The following LRMDA variants were observed in gnomAD, a reference collection of about 807,000 sequenced individuals.
The protein encoded by LRMDA is leucine-rich melanocyte differentiation-associated protein.
LRMDA carries 18 observed loss-of-function variants against 29.8 expected under a neutral mutation model. The observed-to-expected ratio is 0.60, with a 90% CI of 0.42 to 0.90. The LOEUF (loss-of-function observed/expected upper bound fraction) is 0.90, where lower values mean the gene tolerates loss of function less well. Among genes scored for constraint, LRMDA ranks in the 40% least tolerant of loss-of-function variants. LRMDA has a pLI of 0.00. For synonymous variants in LRMDA, 125 were observed against 109.4 expected (o/e 1.14, Z -0.89); for missense variants, 273 against 273.9 (o/e 1.00, Z 0.02).
intron 2 of LRMDA, among the ~76,000 whole-genome samples, chr10:75,783,593 A>G (rs1171837579): frequency 6.6e-6 from 1 of 151,882 alleles, no homozygotes; most frequent in Non-Finnish European, 1.5e-5. Flanking sequence ...GATGAGGCTT[A>G]GGCTTGAATC....
intron 2 of LRMDA, among the ~76,000 whole-genome samples, chr10:75,972,278 T>C (rs952761925): frequency 2.2e-5 from 3 of 139,080 alleles, no homozygotes; most frequent in Admixed American, 7.2e-5. Flanking sequence ...GAGTTTGGGA[T>C]TTTTTTTTTT....
chr10:76,511,778 A>C (rs1843011301), intron 6 of LRMDA, among the ~76,000 whole-genome samples: 1 of 152,026 alleles, frequency 6.6e-6, no homozygotes, highest in Non-Finnish European at 1.5e-5. Context: ...TAATATTATC[A>C]AAATGACAAT....
intron 2 of LRMDA, among the ~76,000 whole-genome samples, chr10:75,805,657 T>C (rs776890394): frequency 4.6e-5 from 7 of 152,164 alleles, no homozygotes; most frequent in Non-Finnish European, 1.0e-4. Context: ...CTAGATGGGT[T>C]ACTTTCCTGG....
intron 6 of LRMDA, among the ~76,000 whole-genome samples, chr10:76,389,592 C>T (rs926900622): frequency 1.3e-5 from 2 of 152,146 alleles, no homozygotes; most frequent in Non-Finnish European, 2.9e-5. Flanking sequence ...TCTTTTCATC[C>T]TGCAAAACTG....
intron 5 of LRMDA, among the ~76,000 whole-genome samples, chr10:76,120,854 A>G (rs1849773331): frequency 6.8e-6 from 1 of 147,550 alleles, no homozygotes; most frequent in Non-Finnish European, 1.5e-5. Flanking sequence ...TTCCAAAGAG[A>G]CGGAGTCTCG....
chr10:75,983,216 G>T (rs1847205089), intron 2 of LRMDA, among the ~76,000 whole-genome samples: 1 of 152,216 alleles, frequency 6.6e-6, no homozygotes, highest in Admixed American at 6.5e-5. Flanking sequence ...AAAGCACTTA[G>T]TTGTTCAGTA....
At chr10:76,009,384 GC>G (rs1469792890) in intron 2 of LRMDA, among the ~76,000 whole-genome samples, 2 of 152,170 alleles carry the variant, frequency 1.3e-5, no homozygotes, top group Non-Finnish European at 2.9e-5. Context: ...AAGGAAAATA[GC>G]CTTTTGATGA....
chr10:75,941,569 C>T (rs1846392712), intron 2 of LRMDA, among the ~76,000 whole-genome samples: 1 of 152,092 alleles, frequency 6.6e-6, no homozygotes, highest in African/African-American at 2.4e-5. Flanking sequence ...ATGGTGCCAT[C>T]CTGATCCCCT....
intron 5 of LRMDA, among the ~76,000 whole-genome samples, chr10:76,159,937 G>A (rs1207305007): frequency 6.6e-6 from 1 of 152,108 alleles, no homozygotes; most frequent in Non-Finnish European, 1.5e-5. Context: ...TACTCTGTAT[G>A]ATAGTGTGAT....
intron 6 of LRMDA, among the ~76,000 whole-genome samples, chr10:76,353,528 C>T (rs1378053094): frequency 2.0e-5 from 3 of 152,042 alleles, no homozygotes; most frequent in African/African-American, 4.8e-5. Flanking sequence ...ATGACACGTT[C>T]GAAGCTCCGC....
chr10:76,024,363 A>G (rs1848026746), intron 2 of LRMDA, among the ~76,000 whole-genome samples: 1 of 152,210 alleles, frequency 6.6e-6, no homozygotes, highest in South Asian at 2.1e-4. Context: ...AGGGCCCAGG[A>G]CATGCCATGA....
At chr10:76,515,901 A>G (rs1403305813) in intron 6 of LRMDA, among the ~76,000 whole-genome samples, 1 of 152,182 alleles carries the variant, frequency 6.6e-6, no homozygotes, top group African/African-American at 2.4e-5. Context: ...ACAGGAGAAA[A>G]CTTAAGAAAA....
chr10:76,434,432 C>G (rs1456308407), intron 6 of LRMDA, among the ~76,000 whole-genome samples: 1 of 152,070 alleles, frequency 6.6e-6, no homozygotes, highest in Non-Finnish European at 1.5e-5. Flanking sequence ...CTAAAAAATG[C>G]TGAAACATGA....
intron 2 of LRMDA, among the ~76,000 whole-genome samples, chr10:75,756,077 G>T (rs1589189359): frequency 6.6e-6 from 1 of 152,224 alleles, no homozygotes; most frequent in East Asian, 1.9e-4. Context: ...TGGTTAGGGA[G>T]AGTGTAGCTT....
chr10:76,142,757 T>G (rs1186643652), intron 5 of LRMDA, among the ~76,000 whole-genome samples: 1 of 151,464 alleles, frequency 6.6e-6, no homozygotes, highest in Admixed American at 6.6e-5. Flanking sequence ...TTGTTACATA[T>G]GTATACATGT....
At chr10:75,544,376 T>C (rs1474479568) in intron 2 of LRMDA, among the ~76,000 whole-genome samples, 1 of 152,202 alleles carries the variant, frequency 6.6e-6, no homozygotes, top group Non-Finnish European at 1.5e-5. Context: ...AATTTATTTC[T>C]GCAAAATGAA....
intron 5 of LRMDA, among the ~76,000 whole-genome samples, chr10:76,222,624 G>A (rs1356546747): frequency 6.6e-6 from 1 of 152,182 alleles, no homozygotes; most frequent in African/African-American, 2.4e-5. Context: ...GGAAACAGGT[G>A]CTAGAGAGGA....
At chr10:75,752,020 C>A (rs1842974989) in intron 2 of LRMDA, among the ~76,000 whole-genome samples, 1 of 150,502 alleles carries the variant, frequency 6.6e-6, no homozygotes, top group South Asian at 2.1e-4. Context: ...TATCTTCCTA[C>A]TGTAAAATAA....
intron 2 of LRMDA, among the ~76,000 whole-genome samples, chr10:76,032,121 C>A (rs143943118): frequency 6.6e-6 from 1 of 152,334 alleles, no homozygotes; most frequent in East Asian, 1.9e-4. Flanking sequence ...GGCTCCTGCC[C>A]AAGGCTGCCA....
Sources: gnomAD v4.1 joint callset for allele counts (sites outside exome capture counted in the v4.1 genomes callset) on GRCh38, gnomAD v4.1.1 for gene constraint, MANE v1.5 for transcripts, NCBI Gene and HGNC (gene_info 2026-07-23, HGNC 2026-07-21) for gene names.